The following EXD3 variants were observed in gnomAD, a reference collection of about 807,000 sequenced individuals.
The protein encoded by EXD3 is exonuclease 3'-5' domain containing 3.
A neutral mutation model predicts 98.0 loss-of-function variants in EXD3; 92 were observed. That is an observed-to-expected ratio of 0.94 (90% confidence interval 0.79 to 1.12). The LOEUF is 1.12. EXD3 is among the 50% of genes most tolerant of loss of function. EXD3 has a pLI of 0.00. For synonymous variants in EXD3, 569 were observed against 526.0 expected (o/e 1.08, Z -1.12); for missense variants, 1,222 against 1,191.6 (o/e 1.03, Z -0.38).
intron 19 of EXD3, among the ~76,000 whole-genome samples, chr9:137,310,829 G>A (rs574668334): frequency 2.6e-5 from 4 of 152,188 alleles, no homozygotes; most frequent in African/African-American, 9.6e-5. Flanking sequence ...CCCTGGGGAG[G>A]AGGTGGGGCT....
intron 11 of EXD3, among the ~76,000 whole-genome samples, 157 bp downstream of exon 11, chr9:137,352,463 C>T (rs1834356376): frequency 6.6e-6 from 1 of 152,184 alleles, no homozygotes; most frequent in Non-Finnish European, 1.5e-5. Flanking sequence ...CTGGGCCCTG[C>T]TGTCTTGTCT....
Position 137,354,322 on chromosome 9 carries a change from C to A in EXD3, c.870+17G>T. ...CCAGGCCGCCCTGCCGGCTTACAGG[C>A]AAGGGCACGAACTCACCTGCACATG... On this transcript the variant is annotated intron_variant, in intron 10 of 21. Transcript: ENST00000340951. 3 of 1,611,902 alleles carry A rather than the reference C, an allele frequency of 1.9e-6. No homozygotes were observed. The highest frequency in any genetic ancestry group is 2.5e-6 in the Non-Finnish European group (3 of 1,179,534).
intron 1 of EXD3, among the ~76,000 whole-genome samples, chr9:137,408,999 G>A (rs1333140726): frequency 6.6e-6 from 1 of 152,216 alleles, no homozygotes; most frequent in East Asian, 1.9e-4. Flanking sequence ...TCCCTTCTGT[G>A]GGAGGGCGGC....
intron 7 of EXD3, chr9:137,366,025 T>C (rs1053446489): frequency 3.2e-6 from 2 of 630,636 alleles, no homozygotes; most frequent in South Asian, 1.5e-5. Context: ...GGCACACACA[T>C]ACATGCACAC....
rs1330598226 is a variant in EXD3 at position 137,343,995 on chromosome 9, C to T, written c.1998+4076G>A. Among the ~76,000 whole-genome samples, 4 of 148,026 alleles carry T rather than the reference C, an allele frequency of 2.7e-5. 1 individual carries two copies. In the East Asian group the frequency reaches 8.0e-4, roughly 30 times the overall value. On this transcript the variant is annotated intron_variant, in intron 17 of 21. Coordinates refer to ENST00000340951, the MANE Select transcript of EXD3 (RefSeq NM_017820.5). ...CAATCTCCACCCCCTGGGTTCACGC[C>T]ATTCTCCTGCCTCAGTCTCCCAAGT...
At chr9:137,355,686 G>A (rs1834717163) in intron 8 of EXD3, among the ~76,000 whole-genome samples, 2 of 131,030 alleles carry the variant, frequency 1.5e-5, no homozygotes, top group Non-Finnish European at 3.4e-5. Context: ...GATGGAGGAA[G>A]GAGAAAGGGA....
chr9:137,375,079 A>G (rs184432800), intron 3 of EXD3, among the ~76,000 whole-genome samples: 3,910 of 150,878 alleles, frequency 0.026, 171 homozygotes, highest in African/African-American at 0.09. Flanking sequence ...CGCGATCTCG[A>G]CTCACTGCAA....
chr9:137,379,641 C>T (rs1373797590), intron 3 of EXD3, among the ~76,000 whole-genome samples: 1 of 151,972 alleles, frequency 6.6e-6, no homozygotes. Flanking sequence ...CTGGGCGCTC[C>T]AGGCCATTGA....
At chr9:137,330,053 A>AG (rs1293988153) in intron 17 of EXD3, among the ~76,000 whole-genome samples, 1 of 134,834 alleles carries the variant, frequency 7.4e-6, no homozygotes, top group African/African-American at 2.9e-5. Context: ...GCTACACGGG[A>AG]CTACACAGGA....
chr9:137,351,135 A>G lies in EXD3; in HGVS notation c.1397T>C (p.Val466Ala). 1.9e-6 allele frequency: 3 copies of G among 1,576,344 alleles called. No individual in the cohort carries two copies. Among genetic ancestry groups the G allele is most frequent in the South Asian group, 2.3e-5 (2 of 86,094 alleles). Residue 466 changes from valine to alanine, a missense_variant, in exon 14 of 22, where the codon GTG (valine) becomes GCG (alanine). Val to Ala is a moderately conservative substitution (Grantham distance 64). Transcript: ENST00000340951. Reference protein sequence around the residue: ...PSITKLGYGMVGDLQKLGTSC... With the variant: ...PSITKLGYGMAGDLQKLGTSC... ...CGTGCCCAGTTTTTGCAGGTCCCCC[A>G]CCATCCCGTAGCCTGTGGGCAGGAA...
At chr9:137,366,392 A>C in intron 7 of EXD3, 101 bp downstream of exon 7, 3 of 1,468,672 alleles carry the variant, frequency 2.0e-6, no homozygotes, top group Non-Finnish European at 2.8e-6. Context: ...CTTCCTGGGG[A>C]GAGCTCTCCC....
intron 17 of EXD3, among the ~76,000 whole-genome samples, chr9:137,327,929 T>C (rs1339676599): frequency 9.1e-6 from 1 of 110,060 alleles, no homozygotes; most frequent in African/African-American, 3.5e-5. Context: ...TACTCCCATA[T>C]GCTGAGTAAA....
intron 1 of EXD3, among the ~76,000 whole-genome samples, chr9:137,400,045 A>AAAAAAAAAAAAAAAAAAAAAAAAAAAAG (rs1564209842): frequency 1.3e-5 from 2 of 149,796 alleles, no homozygotes; most frequent in African/African-American, 5.0e-5. Flanking sequence ...AAAAAAAAAA[A>AAAAAAAAAAAAAAAAAAAAAAAAAAAAG]AAAGAAAATG....
intron 7 of EXD3, chr9:137,365,289 G>A (rs1182362645): frequency 2.0e-5 from 3 of 152,182 alleles, no homozygotes; most frequent in Admixed American, 6.5e-5. Flanking sequence ...GGCCCGGGAC[G>A]GCCTGACGTC....
intron 8 of EXD3, among the ~76,000 whole-genome samples, chr9:137,355,698 G>GAAGGAGGAAGGAGGAAGGAGGAAGGAGA (rs1834724629): frequency 1.3e-5 from 1 of 76,928 alleles, no homozygotes; most frequent in African/African-American, 4.4e-5. Context: ...AGAAAGGGAG[G>GAAGGAGGAAGGAGGAAGGAGGAAGGAGA]AAGGAGGAAG....
chr9:137,354,452 T>A, intron 9 of EXD3, 75 bp from the exon 10 acceptor site: 1 of 1,600,754 alleles, frequency 6.2e-7, no homozygotes, highest in Non-Finnish European at 8.5e-7. Flanking sequence ...GGAGTTTTCC[T>A]CGACCCCTGG....
chr9:137,403,963 C>T lies in EXD3; in HGVS notation c.-47-8559G>A, dbSNP rs1043210793. On this transcript the variant is annotated intron_variant, in intron 1 of 21. Transcript: ENST00000340951. This position sits in a 1 kb window ranked among gnomAD's most constrained non-coding sequence, Gnocchi z 6.1. ...GTGTCCTCCAGGGCCGTACAAAGCA[C>T]CACACACAGGGCGCGAGTGACAGGG... Among the ~76,000 whole-genome samples the T allele has an allele frequency of 6.6e-6, 1 of 152,078 alleles. No individual in the cohort carries two copies. The highest frequency in any genetic ancestry group is 2.1e-4 in the South Asian group (1 of 4,818).
chr9:137,382,128 C>T (rs1220264864), intron 3 of EXD3, among the ~76,000 whole-genome samples: 1 of 125,300 alleles, frequency 8.0e-6, no homozygotes, highest in Middle Eastern at 4.0e-3. Context: ...GAGGTGAGGG[C>T]GCGGGGAGGA....
intron 2 of EXD3, chr9:137,392,466 A>G (rs775185145): frequency 7.5e-5 from 13 of 172,188 alleles, no homozygotes; most frequent in Non-Finnish European, 1.5e-4. Context: ...GTGTCCAGGC[A>G]GCGAGGCGGG....
Sources: gnomAD v4.1 joint callset for allele counts (sites outside exome capture counted in the v4.1 genomes callset) on GRCh38, gnomAD v4.1.1 for gene constraint, Gnocchi (gnomAD v3.1) non-coding constraint, MANE v1.5 for transcripts, NCBI Gene and HGNC (gene_info 2026-07-23, HGNC 2026-07-21) for gene names.